AAK1: variants seen among roughly 807,000 people sequenced by gnomAD.
The protein encoded by AAK1 is AP2-associated protein kinase 1.
Under a neutral mutation model 116.0 loss-of-function variants are expected in AAK1, and 37 were observed. That is an observed-to-expected ratio of 0.32 (90% confidence interval 0.25 to 0.42). The LOEUF (loss-of-function observed/expected upper bound fraction) is 0.42. Ranked by LOEUF, AAK1 falls within the 10% of genes least tolerant of loss-of-function variation. The pLI is 1.00. For missense variants in AAK1, 919 were observed against 1,170.6 expected, an observed-to-expected ratio of 0.79 and a Z score of 3.14; for synonymous variants, 458 against 439.9, an observed-to-expected ratio of 1.04 and a Z score of -0.51.
chr2:69,535,800 A>C (rs79519640), intron 5 of AAK1, among the ~76,000 whole-genome samples: 9 of 152,188 alleles, frequency 5.9e-5, no homozygotes, highest in Non-Finnish European at 1.0e-4. Context: ...GAAAGCTGAA[A>C]ACATGGGAAA....
intron 2 of AAK1, among the ~76,000 whole-genome samples, chr2:69,597,103 A>T (rs867227236): frequency 6.6e-6 from 1 of 152,240 alleles, no homozygotes; most frequent in East Asian, 1.9e-4. Context: ...AACAACAAAA[A>T]ATTTTAGCTA....
intron 2 of AAK1, chr2:69,594,962 A>G (rs1673201231): frequency 2.3e-6 from 2 of 860,860 alleles, no homozygotes; most frequent in Admixed American, 1.7e-5. Flanking sequence ...CCCTGGGCAT[A>G]CAGAGAATCC....
chr2:69,535,143 C>A (rs147593309), intron 5 of AAK1, among the ~76,000 whole-genome samples: 1 of 152,196 alleles, frequency 6.6e-6, no homozygotes, highest in Non-Finnish European at 1.5e-5. Context: ...TGTGTGCACT[C>A]GCTTTCTGAA....
chr2:69,586,707 T>C (rs1478329994), intron 2 of AAK1, among the ~76,000 whole-genome samples: 2 of 152,184 alleles, frequency 1.3e-5, no homozygotes, highest in African/African-American at 4.8e-5. Flanking sequence ...AGATTATCCC[T>C]AGGGCCACTC....
At chr2:69,615,059 A>C (rs1674261643) in intron 2 of AAK1, among the ~76,000 whole-genome samples, 1 of 152,164 alleles carries the variant, frequency 6.6e-6, no homozygotes, top group Non-Finnish European at 1.5e-5. Context: ...TGGCCCTAAG[A>C]AATTAATATG....
rs191112167 is a variant in AAK1, at chr2:69,554,818, C to T, written c.282+2042G>A. ...TAGTTCACCTATTTGAATATTAAAG[C>T]TTTGAAAGAATATAAACTAAAAACA... On this transcript the variant is annotated intron_variant, in intron 3 of 21. Transcript: ENST00000409085. Among the ~76,000 whole-genome samples, 927 of 152,278 alleles carry T rather than the reference C, an allele frequency of 6.1e-3. 9 individuals are homozygous for T. The highest frequency in any genetic ancestry group is 9.5e-3 in the Non-Finnish European group (649 of 68,020).
intron 2 of AAK1, among the ~76,000 whole-genome samples, chr2:69,577,113 C>G (rs1334574877): frequency 6.6e-6 from 1 of 152,202 alleles, no homozygotes; most frequent in Non-Finnish European, 1.5e-5. Context: ...TACTATTACA[C>G]CAGTCTTGCC....
intron 17 of AAK1, among the ~76,000 whole-genome samples, chr2:69,485,572 C>T (rs915417790): frequency 2.0e-5 from 3 of 152,070 alleles, no homozygotes; most frequent in Non-Finnish European, 4.4e-5. Context: ...TATCCCAGTT[C>T]TTGGTTTCCC....
chr2:69,562,388 A>G (rs1671679296), intron 2 of AAK1, among the ~76,000 whole-genome samples: 1 of 152,238 alleles, frequency 6.6e-6, no homozygotes, highest in South Asian at 2.1e-4. Flanking sequence ...AGGTTTTAAT[A>G]AGCATAGGAT....
In AAK1 at chr2:69,459,015, G is replaced by C. The variant is rs1329301765; in HGVS notation, c.*16854C>G. On this transcript the variant is annotated 3_prime_UTR_variant, in exon 22 of 22. Transcript: ENST00000409085. The stretch of plus-strand genomic sequence containing the variant: ...CACATCCTTCTATTAGAAATGGCTG[G>C]GGGACAGCTGAGAATAAATTTATGG... The C allele has an allele frequency of 6.6e-6, 1 of 152,086 alleles. No individual in the cohort carries two copies. Among genetic ancestry groups the C allele is most frequent in the Admixed American group, 6.5e-5 (1 of 15,272 alleles). 9.4% of individuals were successfully genotyped at this position (152,086 alleles called of 1,614,324 possible).
rs1050402085 is a variant in AAK1, at chr2:69,467,916, CTT to C, written c.*7951_*7952del. On this transcript the variant is annotated 3_prime_UTR_variant, in exon 22 of 22. Transcript: ENST00000409085. ...TACTATGTTTCTCTGAATCCTATAA[CTT>C]TTTAGCAGTGCTTCTTTTTAAACAG... 1.0e-6 allele frequency: 1 copy of C among 985,328 alleles called. No individual in the cohort carries two copies. The highest frequency in any genetic ancestry group is 1.2e-6 in the Non-Finnish European group (1 of 829,852). 61.0% of individuals were successfully genotyped at this position (985,328 alleles called of 1,614,324 possible).
chr2:69,518,824 T>C lies in AAK1; in HGVS notation c.1497+130A>G, dbSNP rs1296442444. 5.9e-6 allele frequency: 8 copies of C among 1,347,306 alleles called. No homozygotes were observed. In the East Asian group the frequency reaches 7.6e-5, roughly 13 times the overall value. 83.5% of individuals were successfully genotyped at this position (1,347,306 alleles called of 1,614,324 possible). ...GTGATGGATCCGCTTCTCAATGCTT[T>C]AGTATCTACATCTATGAGAAACAGT... On this transcript the variant is annotated intron_variant, in intron 12 of 21. Coordinates refer to ENST00000409085, the MANE Select transcript of AAK1 (RefSeq NM_014911.5).
intron 2 of AAK1, among the ~76,000 whole-genome samples, chr2:69,566,241 A>G (rs895744592): frequency 2.0e-4 from 31 of 152,190 alleles, no homozygotes; most frequent in Non-Finnish European, 7.3e-5. Flanking sequence ...AAAACTCTAG[A>G]ACAGATGGCA....
At chr2:69,541,596 A>G (rs936769241) in intron 5 of AAK1, among the ~76,000 whole-genome samples, 5 of 152,160 alleles carry the variant, frequency 3.3e-5, no homozygotes, top group African/African-American at 1.2e-4. Context: ...TTTTTTTAAA[A>G]AGTTAAGAAA....
rs1674382446 is a variant in AAK1 at position 69,463,059 on chromosome 2, A to G, written c.*12810T>C. 6.6e-6 allele frequency: 1 copy of G among 152,230 alleles called. No homozygotes were observed. Among genetic ancestry groups the G allele is most frequent in the African/African-American group, 2.4e-5 (1 of 41,460 alleles). 9.4% of individuals were successfully genotyped at this position (152,230 alleles called of 1,614,324 possible). On this transcript the variant is annotated 3_prime_UTR_variant, in exon 22 of 22. Transcript: ENST00000409085. ...ACCACCAAAAAAGGACAAAGTATTG[A>G]AAAGTAGCTGCTCATTTTTTACTGC...
At chr2:69,524,366 C>A (rs114352621) in intron 10 of AAK1, among the ~76,000 whole-genome samples, 1 of 152,284 alleles carries the variant, frequency 6.6e-6, no homozygotes, top group African/African-American at 2.4e-5. Context: ...CACGTGCTAC[C>A]ATGCCTGCCT....
Position 69,527,246 on chromosome 2 carries a change from G to T in AAK1, c.945C>A (p.Leu315=). The T allele has an allele frequency of 6.2e-7, 1 of 1,608,310 alleles. No homozygotes were observed. The highest frequency in any genetic ancestry group is 8.5e-7 in the Non-Finnish European group (1 of 1,176,940). ...CATTTGGAATTGGGCACTCTTTCTT[G>T]AGTAGCTTAAATGAGAAGTAGGACA... ...YQVSYFSFKL[L]KKECPIPNVQ... is the part of the protein sequence containing the mutation. Residue 315 remains leucine (L), a synonymous_variant, in exon 9 of 22, where the codon CTC becomes CTA. Coordinates refer to ENST00000409085, the MANE Select transcript of AAK1 (RefSeq NM_014911.5).
intron 2 of AAK1, among the ~76,000 whole-genome samples, chr2:69,616,754 G>C (rs1417514315): frequency 6.6e-6 from 1 of 152,068 alleles, no homozygotes; most frequent in African/African-American, 2.4e-5. Flanking sequence ...GGTCTAAATG[G>C]AAAAAGGGCT....
intron 2 of AAK1, among the ~76,000 whole-genome samples, chr2:69,575,042 C>T (rs1672249398): frequency 6.8e-6 from 1 of 146,156 alleles, no homozygotes; most frequent in Admixed American, 6.8e-5. Context: ...AAAAACCACA[C>T]ACACAACAAA....
Sources: allele counts gnomAD v4.1 joint callset (sites outside exome capture counted in the v4.1 genomes callset), GRCh38; gene constraint gnomAD v4.1.1; transcripts MANE v1.5; gene names NCBI Gene and HGNC (gene_info 2026-07-23, HGNC 2026-07-21).